Variants in RB1 observed in about 807,000 individuals in gnomAD.
The protein encoded by RB1 is RB transcriptional corepressor 1, also known as retinoblastoma-associated protein.
A neutral mutation model predicts 135.4 loss-of-function variants in RB1; 18 were observed. That is an observed-to-expected ratio of 0.13 (90% CI 0.09 to 0.20). RB1 has a LOEUF of 0.20. Among genes scored for constraint, RB1 ranks in the 10% least tolerant of loss-of-function variants. The pLI is 1.00. For missense variants in RB1, 868 were observed against 1,110.0 expected, an observed-to-expected ratio of 0.78 and a Z score of 3.10; for synonymous variants, 365 against 373.2, an observed-to-expected ratio of 0.98 and a Z score of 0.25.
chr13:48,480,740 T>C lies in RB1; in HGVS notation c.*669T>C, dbSNP rs1239370799. The C allele has an allele frequency of 4.4e-6, 1 of 227,108 alleles. No individual in the cohort carries two copies. Among genetic ancestry groups the C allele is most frequent in the Non-Finnish European group, 8.8e-6 (1 of 114,224 alleles). 14.1% of individuals were successfully genotyped at this position (227,108 alleles called of 1,614,324 possible). On this transcript the variant is annotated 3_prime_UTR_variant, in exon 27 of 27. Transcript: ENST00000267163. ...GTATAACCATATGATACTATCATAC[T>C]ACTGAAACAGATTTCATACCTCAGA...
chr13:48,429,993 A>G (rs1949113400), intron 17 of RB1, among the ~76,000 whole-genome samples: 1 of 152,216 alleles, frequency 6.6e-6, no homozygotes, highest in Non-Finnish European at 1.5e-5. Context: ...TAAAAATCTC[A>G]GTATGTTTTC....
rs2138342421 is a variant in RB1 at position 48,463,779 on chromosome 13, C to T, written c.2155C>T (p.Leu719Phe). The change falls in exon 21 of 27, where the codon CTT (leucine) becomes TTT (phenylalanine). Residue 719 changes from leucine (L) to phenylalanine (F), a missense_variant. Transcript: ENST00000267163. ...YGICKVKNID[L>F]KFKIIVTAYK... ...CATATGCAAAGTGAAGAATATAGAC[C>T]TTAAATTCAAAATCATTGTAACAGC... is the stretch of plus-strand genomic sequence containing the variant. 1 of 1,605,734 alleles carries T rather than the reference C, an allele frequency of 6.2e-7. No individual in the cohort carries two copies. Among genetic ancestry groups the T allele is most frequent in the Non-Finnish European group, 8.5e-7 (1 of 1,172,812 alleles).
Position 48,480,767 on chromosome 13 carries a change from T to C in RB1, c.*696T>C, listed in dbSNP as rs1006922636. ...CTGAAACAGATTTCATACCTCAGAA[T>C]GTAAAAGAACTTACTGATTATTTTC... On this transcript the variant is annotated 3_prime_UTR_variant, in exon 27 of 27. Transcript: ENST00000267163. 4.4e-6 allele frequency: 1 copy of C among 226,808 alleles called. No homozygotes were observed. Among genetic ancestry groups the C allele is most frequent in the African/African-American group, 2.2e-5 (1 of 45,002 alleles). 14.0% of individuals were successfully genotyped at this position (226,808 alleles called of 1,614,324 possible).
At chr13:48,370,566 G>A (rs1400718775) in intron 11 of RB1, among the ~76,000 whole-genome samples, 1 of 152,188 alleles carries the variant, frequency 6.6e-6, no homozygotes, top group Non-Finnish European at 1.5e-5. Flanking sequence ...CTGTTTACTG[G>A]TTTATTATAG....
intron 2 of RB1, among the ~76,000 whole-genome samples, chr13:48,315,165 C>G (rs1952171081): frequency 6.6e-6 from 1 of 152,072 alleles, no homozygotes; most frequent in Non-Finnish European, 1.5e-5. Context: ...TCTTCTTATC[C>G]ATGAGCATGG....
chr13:48,435,814 T>A (rs1949177468), intron 17 of RB1, among the ~76,000 whole-genome samples: 1 of 152,228 alleles, frequency 6.6e-6, no homozygotes, highest in Admixed American at 6.5e-5. Context: ...TTTTAAAGGC[T>A]ATCCTTTTTC....
chr13:48,363,046 C>T (rs2138113226), intron 8 of RB1, 89 bp downstream of exon 8: 1 of 1,503,386 alleles, frequency 6.7e-7, no homozygotes. Flanking sequence ...TTGTTATGAG[C>T]ATGTTTTTTT....
intron 1 of RB1, among the ~76,000 whole-genome samples, chr13:48,304,536 G>A (rs1402888927): frequency 6.6e-6 from 1 of 152,110 alleles, no homozygotes; most frequent in African/African-American, 2.4e-5. Context: ...TTGTGGGAGA[G>A]GCCGACCAGA....
chr13:48,447,215 A>G (rs535724470), intron 17 of RB1, among the ~76,000 whole-genome samples: 1 of 152,268 alleles, frequency 6.6e-6, no homozygotes, highest in South Asian at 2.1e-4. Flanking sequence ...TGATATGGTA[A>G]AGACTAGGGA....
intron 18 of RB1, 149 bp downstream of exon 18, chr13:48,453,260 A>G: frequency 1.2e-6 from 1 of 816,382 alleles, no homozygotes; most frequent in Non-Finnish European, 2.0e-6. Context: ...TAAAAGGTAC[A>G]TGACCCAAAT....
At chr13:48,351,363 A>T (rs907834228) in intron 6 of RB1, among the ~76,000 whole-genome samples, 3 of 151,754 alleles carry the variant, frequency 2.0e-5, no homozygotes, top group Non-Finnish European at 2.9e-5. Flanking sequence ...TCATATGCTT[A>T]TTGGCTGCAT....
intron 17 of RB1, among the ~76,000 whole-genome samples, chr13:48,393,447 C>A (rs1434224549): frequency 6.6e-6 from 1 of 152,138 alleles, no homozygotes; most frequent in Admixed American, 6.5e-5. Flanking sequence ...ATTTGTTTTC[C>A]TTCTCCCAGG....
rs150408051 is a variant in RB1 at position 48,330,351 on chromosome 13, A to G, written c.265-12248A>G. Among the ~76,000 whole-genome samples the G allele has an allele frequency of 5.5e-3, 843 of 152,246 alleles. 5 individuals are homozygous for G. The highest frequency in any genetic ancestry group is 0.01 in the Middle Eastern group (3 of 294). On this transcript the variant is annotated intron_variant, in intron 2 of 26. Transcript: ENST00000267163. ...CACAGCAGAAATAAATGAAAGACTC[A>G]AAAAACAATAGAAAAGAGCAACAAA...
intron 2 of RB1, chr13:48,328,068 C>G: frequency 2.4e-6 from 2 of 825,600 alleles, no homozygotes; most frequent in Non-Finnish European, 4.2e-6. Context: ...ACCCCAATTT[C>G]AAAACATCAT....
chr13:48,320,787 C>T (rs1477335561), intron 2 of RB1, among the ~76,000 whole-genome samples: 1 of 151,168 alleles, frequency 6.6e-6, no homozygotes, highest in Admixed American at 6.6e-5. Flanking sequence ...GCTGAGATCG[C>T]CCCACTGCTC....
At chr13:48,428,755 A>G (rs1003750656) in intron 17 of RB1, among the ~76,000 whole-genome samples, 5 of 152,216 alleles carry the variant, frequency 3.3e-5, no homozygotes, top group African/African-American at 1.2e-4. Context: ...GCATTTGTAC[A>G]TAGTAATGTG....
Position 48,433,533 on chromosome 13 carries a change from T to C in RB1, c.1696-19460T>C, listed in dbSNP as rs147311155. Among the ~76,000 whole-genome samples the C allele has an allele frequency of 7.7e-3, 1,179 of 152,252 alleles. 25 individuals are homozygous for C. The highest frequency in any genetic ancestry group is 0.026 in the African/African-American group (1,076 of 41,564). On this transcript the variant is annotated intron_variant, in intron 17 of 26. Coordinates refer to ENST00000267163, the MANE Select transcript of RB1 (RefSeq NM_000321.3). ...TGTTCAGAGAATTTCTGCCACTAAA[T>C]AAGTCTTAAATAAGTATGCCACATA...
chr13:48,363,259 AC>A (rs1213761081), intron 8 of RB1, among the ~76,000 whole-genome samples: 4 of 151,384 alleles, frequency 2.6e-5, no homozygotes, highest in Non-Finnish European at 4.4e-5. Context: ...GTTTTAAAAT[AC>A]CCTGCCAAGG....
intron 17 of RB1, among the ~76,000 whole-genome samples, chr13:48,417,765 AG>A (rs1385830219): frequency 6.6e-6 from 1 of 152,214 alleles, no homozygotes; most frequent in Admixed American, 6.5e-5. Flanking sequence ...CCAAAGCAGA[AG>A]AAAGGATATC....
Sources: allele counts gnomAD v4.1 joint callset (sites outside exome capture counted in the v4.1 genomes callset), GRCh38; gene constraint gnomAD v4.1.1; transcripts MANE v1.5; gene names NCBI Gene and HGNC (gene_info 2026-07-23, HGNC 2026-07-21).